The following STK32C variants were observed in gnomAD, a reference collection of about 807,000 sequenced individuals.
The protein encoded by STK32C is serine/threonine-protein kinase 32C.
STK32C carries 31 observed loss-of-function variants against 56.5 expected under a neutral mutation model. That is an observed-to-expected ratio of 0.55 (90% confidence interval 0.41 to 0.74). The LOEUF (loss-of-function observed/expected upper bound fraction) is 0.74, where lower values mean the gene tolerates loss of function less well. Among genes scored for constraint, STK32C ranks in the 30% least tolerant of loss-of-function variants. The pLI is 0.00. For missense variants in STK32C, 544 were observed against 676.9 expected (o/e 0.80, Z 2.18); for synonymous variants, 309 against 289.4 (o/e 1.07, Z -0.69).
intron 1 of STK32C, among the ~76,000 whole-genome samples, chr10:132,300,143 G>A (rs117128199): frequency 0.015 from 2,361 of 152,364 alleles, 34 homozygotes; most frequent in Non-Finnish European, 0.025. Context: ...TTCTGCGTTC[G>A]GAGGACGGAG....
chr10:132,276,518 A>T (rs537491871), intron 1 of STK32C, among the ~76,000 whole-genome samples: 1 of 152,202 alleles, frequency 6.6e-6, no homozygotes, highest in African/African-American at 2.4e-5. Context: ...ACGGCGGCTC[A>T]CGCCTGTCAT....
rs2062794033 is a variant in STK32C at position 132,224,286 on chromosome 10, G to A, written c.993+121C>T. 7 of 736,878 alleles carry A rather than the reference G, an allele frequency of 9.5e-6. No homozygotes were observed. In the Admixed American group the frequency reaches 1.5e-4, roughly 15 times the overall value. The allele number at this position is 736,878 out of a possible 1,614,324, so 45.6% of individuals were successfully genotyped here. On this transcript the variant is annotated intron_variant, in intron 8 of 11. Transcript: ENST00000298630. ...AGGCCCCCACAGGTTGCAGTGAAGG[G>A]ATCTGTGCCTGCCAGGAAGCGGCAC...
At position 132,237,301 on chromosome 10, in the gene STK32C, C is replaced by T. The variant is rs527549787; in HGVS notation, c.318+8599G>A. 5.9e-5 allele frequency among the ~76,000 whole-genome samples: 9 copies of T among 152,356 alleles called. No individual in the cohort carries two copies. The South Asian group carries it at 1.9e-3, about 32-fold the overall frequency. On this transcript the variant is annotated intron_variant, in intron 2 of 11. Coordinates refer to ENST00000298630, the MANE Select transcript of STK32C (RefSeq NM_173575.4). ...ACCTGACCAGAGGCCAGTAGGGCCA[C>T]CTCTCTGGCCTCAGCTTCCTTGCAG...
chr10:132,262,428 G>A (rs1366531025), intron 1 of STK32C, among the ~76,000 whole-genome samples: 2 of 152,134 alleles, frequency 1.3e-5, no homozygotes, highest in Non-Finnish European at 2.9e-5. Context: ...AAAACGAAAT[G>A]TGACAAGTGG....
intron 1 of STK32C, among the ~76,000 whole-genome samples, chr10:132,289,368 G>T (rs1372476761): frequency 6.6e-6 from 1 of 152,142 alleles, no homozygotes; most frequent in African/African-American, 2.4e-5. Context: ...AAAATGAATG[G>T]TTGAGCCATA....
upstream of STK32C, among the ~76,000 whole-genome samples, chr10:132,309,747 G>A (rs78011155): frequency 4.6e-5 from 7 of 152,288 alleles, no homozygotes; most frequent in East Asian, 1.9e-4. Context: ...GGAACCCTGC[G>A]TACCCGGTGC....
chr10:132,304,113 G>C (rs557550639), intron 1 of STK32C, among the ~76,000 whole-genome samples: 2 of 152,336 alleles, frequency 1.3e-5, no homozygotes, highest in East Asian at 3.9e-4. Context: ...ACAATGCCAA[G>C]TGCACAAAGA....
intron 10 of STK32C, among the ~76,000 whole-genome samples, chr10:132,218,242 C>T (rs2062529462): frequency 6.6e-6 from 1 of 151,974 alleles, no homozygotes; most frequent in African/African-American, 2.4e-5. Flanking sequence ...TCACTTGAGC[C>T]CAGGAAGTCA....
rs953321209 is a variant in STK32C at position 132,307,371 on chromosome 10, G to A, written c.262+201C>T. 6.6e-6 allele frequency among the ~76,000 whole-genome samples: 1 copy of A among 152,008 alleles called. No homozygotes were observed. Among genetic ancestry groups the A allele is most frequent in the Non-Finnish European group, 1.5e-5 (1 of 67,964 alleles). On this transcript the variant is annotated intron_variant, in intron 1 of 11. Coordinates refer to ENST00000298630, the MANE Select transcript of STK32C (RefSeq NM_173575.4). The surrounding 1 kb of genome is among the most constrained non-coding windows in gnomAD (Gnocchi z 4.4). ...CCCAGCCTGCTCCTCCTGCGGCGCC[G>A]CCACTAGAAACGGAGGACGCGGGCG...
At chr10:132,245,674 G>A (rs983667783) in intron 2 of STK32C, among the ~76,000 whole-genome samples, 11 of 152,236 alleles carry the variant, frequency 7.2e-5, no homozygotes, top group East Asian at 1.9e-4. Flanking sequence ...GCTCCTGGAC[G>A]CTGCGGAGTT....
intron 2 of STK32C, among the ~76,000 whole-genome samples, chr10:132,237,705 T>C (rs1404260923): frequency 6.6e-6 from 1 of 151,452 alleles, no homozygotes; most frequent in Non-Finnish European, 1.5e-5. Flanking sequence ...GCTTCACCCC[T>C]CTTCCCCCAA....
intron 9 of STK32C, 24 bp downstream of exon 9, chr10:132,222,837 C>T: frequency 6.3e-7 from 1 of 1,590,074 alleles, no homozygotes; most frequent in Non-Finnish European, 8.6e-7. Context: ...CAGGGCCCCC[C>T]ACCTGAGCCG....
intron 10 of STK32C, among the ~76,000 whole-genome samples, chr10:132,211,933 C>A (rs1428307211): frequency 6.6e-6 from 1 of 152,084 alleles, no homozygotes; most frequent in African/African-American, 2.4e-5. Flanking sequence ...TTCTGAGTAA[C>A]TGGACCAGGA....
intron 1 of STK32C, among the ~76,000 whole-genome samples, chr10:132,286,934 T>C (rs533966903): frequency 4.4e-4 from 67 of 152,218 alleles, no homozygotes; most frequent in Non-Finnish European, 8.1e-4. Flanking sequence ...AGCAGCGAAA[T>C]TGTCTTTATT....
intron 2 of STK32C, among the ~76,000 whole-genome samples, chr10:132,245,230 A>G (rs1409520398): frequency 6.6e-6 from 1 of 152,208 alleles, no homozygotes; most frequent in East Asian, 1.9e-4. Context: ...CCATCTGCTA[A>G]GCCTCCCGGG....
chr10:132,265,873 C>T (rs777529142), intron 1 of STK32C, among the ~76,000 whole-genome samples: 12 of 152,148 alleles, frequency 7.9e-5, no homozygotes, highest in Non-Finnish European at 1.0e-4. Flanking sequence ...GCAAGGACAC[C>T]GGGCACCTTG....
chr10:132,272,240 C>A (rs532618932), intron 1 of STK32C, among the ~76,000 whole-genome samples: 1 of 152,324 alleles, frequency 6.6e-6, no homozygotes, highest in South Asian at 2.1e-4. Context: ...AAGATCAGGA[C>A]GGAGACACCC....
At chr10:132,208,905 G>T in intron 11 of STK32C, 129 bp downstream of exon 11, 1 of 817,416 alleles carries the variant, frequency 1.2e-6, no homozygotes, top group Middle Eastern at 2.8e-4. Context: ...GCTGCTCAGA[G>T]TCCCCAAAGA....
At chr10:132,236,564 G>A (rs1437585773) in intron 2 of STK32C, among the ~76,000 whole-genome samples, 1 of 152,224 alleles carries the variant, frequency 6.6e-6, no homozygotes, top group East Asian at 1.9e-4. Context: ...AGCCCAGGAG[G>A]GGGTGCCTAT....
Sources: allele counts gnomAD v4.1 joint callset (sites outside exome capture counted in the v4.1 genomes callset), GRCh38; gene constraint gnomAD v4.1.1; non-coding constraint Gnocchi (gnomAD v3.1); transcripts MANE v1.5; gene names NCBI Gene and HGNC (gene_info 2026-07-23, HGNC 2026-07-21).